DLK1: variants seen among roughly 807,000 people sequenced by gnomAD.
DLK1 encodes protein delta homolog 1.
In DLK1, 9 loss-of-function variants were observed where a neutral mutation model predicts 35.2. The observed-to-expected ratio is 0.26, with a 90% confidence interval of 0.15 to 0.45. The LOEUF (loss-of-function observed/expected upper bound fraction) is 0.45. DLK1 is among the 20% of genes least tolerant of loss of function. The pLI is 1.00. For synonymous variants in DLK1, 231 were observed against 228.4 expected (o/e 1.01, Z -0.10); for missense variants, 522 against 528.5 (o/e 0.99, Z 0.12).
In DLK1 at chr14:100,727,035, C is replaced by G; in HGVS notation, c.-34C>G. On this transcript the variant is annotated 5_prime_UTR_variant, in exon 1 of 5. Coordinates refer to ENST00000341267, the MANE Select transcript of DLK1 (RefSeq NM_003836.7). Reference sequence around the variant, plus strand: ...GCCAGGAGCCGGACCCGCGCCCGCACCGCTCCCGGGACCGCGACCCCGGCC... The same window carrying G: ...GCCAGGAGCCGGACCCGCGCCCGCAGCGCTCCCGGGACCGCGACCCCGGCC... 6.5e-7 allele frequency: 1 copy of G among 1,545,868 alleles called. No individual in the cohort carries two copies.
At chr14:100,732,447 G>A (rs1595208477) in intron 4 of DLK1, among the ~76,000 whole-genome samples, 1 of 152,236 alleles carries the variant, frequency 6.6e-6, no homozygotes, top group South Asian at 2.1e-4. Flanking sequence ...ACAGTCGATC[G>A]GAATGATGAA....
At chr14:100,729,471 G>A (rs1000401758) in intron 3 of DLK1, among the ~76,000 whole-genome samples, 3 of 151,740 alleles carry the variant, frequency 2.0e-5, no homozygotes, top group Admixed American at 1.3e-4. Context: ...AAAAGCACAC[G>A]CAAGACTGTA....
chr14:100,727,283 C>T (rs973922213), intron 1 of DLK1, 148 bp downstream of exon 1: 45 of 858,516 alleles, frequency 5.2e-5, no homozygotes, highest in Non-Finnish European at 7.2e-5. Context: ...CCTGTCTCGC[C>T]CTACCCACCA....
chr14:100,735,764 C>T lies in DLK1; in HGVS notation c.*868C>T, dbSNP rs866005531. The stretch of plus-strand genomic sequence containing the variant: ...TGAAATTTATCCTAACTGTGTTTCT[C>T]AAAGTGGGGAGCCTCCTGGCCCACT... On this transcript the variant is annotated 3_prime_UTR_variant, in exon 5 of 5. Transcript: ENST00000341267. 2 of 152,206 alleles carry T rather than the reference C, an allele frequency of 1.3e-5. No homozygotes were observed. The highest frequency in any genetic ancestry group is 4.8e-5 in the African/African-American group (2 of 41,446). 9.4% of individuals were successfully genotyped at this position (152,206 alleles called of 1,614,324 possible). A position where few individuals can be genotyped will look rare whatever the true frequency, so the allele number is the denominator to read the frequency against.
At chr14:100,730,802 G>A (rs1044409974) in intron 3 of DLK1, among the ~76,000 whole-genome samples, 2 of 152,208 alleles carry the variant, frequency 1.3e-5, no homozygotes, top group African/African-American at 4.8e-5. Context: ...ATGTGTCCTT[G>A]CACCAAGCCG....
intron 2 of DLK1, 166 bp downstream of exon 2, chr14:100,728,625 G>GA: frequency 6.5e-6 from 1 of 153,090 alleles, no homozygotes; most frequent in South Asian, 6.4e-5. Flanking sequence ...TGGGGGGGGC[G>GA]GGGGGGGGGC....
rs926412964 is a variant in DLK1 at position 100,737,530 on chromosome 14, A to G, written c.*2634A>G. 6.6e-6 allele frequency: 1 copy of G among 152,230 alleles called. No homozygotes were observed. The allele number at this position is 152,230 out of a possible 1,614,324, so 9.4% of individuals were successfully genotyped here. A position where few individuals can be genotyped will look rare whatever the true frequency, so the allele number is the denominator to read the frequency against. ...ACGTCCCACGGTCGAGGTATCCTTG[A>G]CCAACTCCCCATCCATTCATTTGTT... On this transcript the variant is annotated 3_prime_UTR_variant, in exon 5 of 5. Coordinates refer to ENST00000341267, the MANE Select transcript of DLK1 (RefSeq NM_003836.7).
chr14:100,727,379 G>T (rs1176316645), intron 1 of DLK1, among the ~76,000 whole-genome samples: 2 of 152,228 alleles, frequency 1.3e-5, no homozygotes, highest in African/African-American at 2.4e-5. Flanking sequence ...TGCAGAAGTG[G>T]CGCCAGAGGG....
Position 100,734,398 on chromosome 14 carries a change from G to T in DLK1, c.654G>T (p.Gln218His). The change falls in exon 5 of 5, where the codon CAG becomes CAT. Residue 218 changes from glutamine to histidine, a missense_variant. Physicochemically the swap from Gln to His is conservative, Grantham distance 24. Coordinates refer to ENST00000341267, the MANE Select transcript of DLK1 (RefSeq NM_003836.7). This position sits in a 1 kb window ranked among gnomAD's most constrained non-coding sequence, Gnocchi z 7.4. ...CCAACTGCGCCAGCAGCCCGTGCCA[G>T]AACGGGGGCACCTGCCTGCAGCACA... The part of the protein sequence containing the change: ...PVTNCASSPC[Q>H]NGGTCLQHTQ... The T allele has an allele frequency of 1.2e-6, 2 of 1,611,760 alleles. No homozygotes were observed. The highest frequency in any genetic ancestry group is 1.7e-6 in the Non-Finnish European group (2 of 1,179,052).
In DLK1 at chr14:100,732,112, T is replaced by C. The variant is rs1290421521; in HGVS notation, c.333T>C (p.Tyr111=). 6.2e-7 allele frequency: 1 copy of C among 1,613,924 alleles called. No individual in the cohort carries two copies. The highest frequency in any genetic ancestry group is 1.3e-5 in the African/African-American group (1 of 74,946). The part of the protein sequence containing the change: ...RTCVSLDDGL[Y]ECSCAPGYSG... ...GCGTGAGCCTGGACGATGGCCTCTA[T>C]GAATGCTCCTGTGCCCCCGGGTACT... The change falls in exon 4 of 5, where the codon TAT becomes TAC. Residue 111 remains tyrosine, a synonymous_variant. Coordinates refer to ENST00000341267, the MANE Select transcript of DLK1 (RefSeq NM_003836.7).
intron 3 of DLK1, among the ~76,000 whole-genome samples, chr14:100,729,398 T>C (rs564755596): frequency 3.9e-5 from 6 of 152,256 alleles, no homozygotes; most frequent in South Asian, 4.1e-4. Context: ...AGGCTGCCTG[T>C]CCAGGTCATG....
chr14:100,730,472 T>G (rs753443160), intron 3 of DLK1, among the ~76,000 whole-genome samples: 2 of 152,152 alleles, frequency 1.3e-5, no homozygotes, highest in African/African-American at 2.4e-5. Flanking sequence ...AGAGAAGACA[T>G]AGCCCTCCCT....
At chr14:100,729,795 T>C (rs933764627) in intron 3 of DLK1, among the ~76,000 whole-genome samples, 4 of 152,106 alleles carry the variant, frequency 2.6e-5, no homozygotes, top group South Asian at 4.2e-4. Context: ...AGCCCTAACG[T>C]TTGAGCAAAC....
In DLK1 at chr14:100,728,918, CT is replaced by C; in HGVS notation, c.132-17del. On this transcript the variant is annotated splice_polypyrimidine_tract_variant and intron_variant, in intron 2 of 4. Transcript: ENST00000341267. The stretch of plus-strand genomic sequence containing the variant: ...GCCCTCTTCATATGTCCCCACCTTT[CT>C]CCCCCACCCATTGCAGGTGCCAGCC... 6.2e-7 allele frequency: 1 copy of C among 1,612,588 alleles called. No homozygotes were observed. Among genetic ancestry groups the C allele is most frequent in the Non-Finnish European group, 8.5e-7 (1 of 1,179,226 alleles).
At chr14:100,733,055 G>A (rs1442333044) in intron 4 of DLK1, among the ~76,000 whole-genome samples, 1 of 152,242 alleles carries the variant, frequency 6.6e-6, no homozygotes, top group Non-Finnish European at 1.5e-5. Context: ...TGTAAGAGCT[G>A]TAAACAGACA....
At position 100,729,378 on chromosome 14, in the gene DLK1, C is replaced by G. The variant is rs998638352; in HGVS notation, c.262+312C>G. 6.5e-6 allele frequency: 4 copies of G among 617,680 alleles called. No homozygotes were observed. The African/African-American group carries it at 7.3e-5, about 11-fold the overall frequency. The allele number at this position is 617,680 out of a possible 1,614,324, so 38.3% of individuals were successfully genotyped here. A position where few individuals can be genotyped will look rare whatever the true frequency, so the allele number is the denominator to read the frequency against. ...ACACATACAGCTGGGCCGGTGGGACCACAGACCCCAGGCTGCCTGTCCAGG... is the reference window on the plus strand; with the variant it reads ...ACACATACAGCTGGGCCGGTGGGACGACAGACCCCAGGCTGCCTGTCCAGG... On this transcript the variant is annotated intron_variant, in intron 3 of 4. Coordinates refer to ENST00000341267, the MANE Select transcript of DLK1 (RefSeq NM_003836.7).
intron 1 of DLK1, among the ~76,000 whole-genome samples, chr14:100,727,543 G>A (rs1331883707): frequency 6.6e-6 from 1 of 152,160 alleles, no homozygotes; most frequent in Non-Finnish European, 1.5e-5. Flanking sequence ...TGCCGTCTTA[G>A]CCCCCAATTC....
chr14:100,728,359 T>C (rs750354698), intron 1 of DLK1, 37 bp from the exon 2 acceptor site: 2 of 1,610,554 alleles, frequency 1.2e-6, no homozygotes, highest in Admixed American at 3.3e-5. Context: ...GCCTGGGGCC[T>C]GGTGGGGTGA....
Position 100,726,939 on chromosome 14 carries a change from G to T in DLK1, c.-130G>T. ...TGGAGAGCGCAGCGCGCAGCCCGGT[G>T]CAGCCCTGGCTTTCCCCTCGCTGCG... On this transcript the variant is annotated 5_prime_UTR_variant, in exon 1 of 5. Transcript: ENST00000341267. This position sits in a 1 kb window ranked among gnomAD's most constrained non-coding sequence, Gnocchi z 4.2. The T allele has an allele frequency of 1.2e-6, 1 of 854,420 alleles. No homozygotes were observed. The highest frequency in any genetic ancestry group is 1.8e-5 in the African/African-American group (1 of 55,918). The allele number at this position is 854,420 out of a possible 1,614,324, so 52.9% of individuals were successfully genotyped here. A position where few individuals can be genotyped will look rare whatever the true frequency, so the allele number is the denominator to read the frequency against.
Sources: gnomAD v4.1 joint callset for allele counts (sites outside exome capture counted in the v4.1 genomes callset) on GRCh38, gnomAD v4.1.1 for gene constraint, Gnocchi (gnomAD v3.1) non-coding constraint, MANE v1.5 for transcripts, NCBI Gene and HGNC (gene_info 2026-07-23, HGNC 2026-07-21) for gene names.